WWOX: variants seen among roughly 807,000 people sequenced by gnomAD.
WWOX encodes the protein WW domain containing oxidoreductase, also known as WW domain-containing oxidoreductase.
A neutral mutation model predicts 46.2 loss-of-function variants in WWOX; 69 were observed. The observed-to-expected ratio is 1.49, with a 90% CI of 1.23 to 1.82. WWOX has a LOEUF of 1.82. WWOX is among the 40% of genes most tolerant of loss of function. The pLI, the probability that WWOX is intolerant of heterozygous loss-of-function variation, is 0.00. For synonymous variants in WWOX, 359 were observed against 202.6 expected (o/e 1.77, Z -6.56); for missense variants, 919 against 542.6 (o/e 1.69, Z -6.89).
At chr16:78,193,086 A>T (rs1404508799) in intron 5 of WWOX, among the ~76,000 whole-genome samples, 1 of 152,232 alleles carries the variant, frequency 6.6e-6, no homozygotes, top group African/African-American at 2.4e-5. Flanking sequence ...AGGAGATGTC[A>T]TCAGGGCCTG....
At chr16:78,559,274 C>G (rs3901534) in intron 8 of WWOX, among the ~76,000 whole-genome samples, 4 of 152,202 alleles carry the variant, frequency 2.6e-5, no homozygotes, top group African/African-American at 9.6e-5. Flanking sequence ...AAAGAGCCCT[C>G]TGGCTTCAGG....
At chr16:78,430,772 C>G (rs1597074277) in intron 7 of WWOX, among the ~76,000 whole-genome samples, 1 of 152,114 alleles carries the variant, frequency 6.6e-6, no homozygotes, top group Non-Finnish European at 1.5e-5. Context: ...GACTTTAGAG[C>G]AGCTATGTCA....
At chr16:79,061,145 T>G (rs80001825) in intron 8 of WWOX, among the ~76,000 whole-genome samples, 2,175 of 152,206 alleles carry the variant, frequency 0.014, 39 homozygotes, top group African/African-American at 0.048. Context: ...ATCCTTTATG[T>G]TGAGGGAGAA....
chr16:79,098,922 C>G (rs1448656663), intron 8 of WWOX, among the ~76,000 whole-genome samples: 1 of 152,104 alleles, frequency 6.6e-6, no homozygotes, highest in Non-Finnish European at 1.5e-5. Flanking sequence ...AACAAAATAC[C>G]TGAGACTGGG....
chr16:78,848,480 A>G (rs1676016566), intron 8 of WWOX, among the ~76,000 whole-genome samples: 1 of 152,228 alleles, frequency 6.6e-6, no homozygotes, highest in South Asian at 2.1e-4. Context: ...GAGAGAGCTC[A>G]GGAGCGACTG....
At chr16:78,923,574 T>A (rs901349879) in intron 8 of WWOX, among the ~76,000 whole-genome samples, 1 of 152,098 alleles carries the variant, frequency 6.6e-6, no homozygotes, top group Admixed American at 6.6e-5. Context: ...CCATTCATAG[T>A]GTGTTAGCAG....
At chr16:79,069,426 AG>A (rs1397604849) in intron 8 of WWOX, among the ~76,000 whole-genome samples, 1 of 152,200 alleles carries the variant, frequency 6.6e-6, no homozygotes, top group Non-Finnish European at 1.5e-5. Flanking sequence ...TGTGGTTTAA[AG>A]ACCTTTACAT....
intron 8 of WWOX, among the ~76,000 whole-genome samples, chr16:78,693,665 CTA>C (rs1240054731): frequency 6.6e-6 from 1 of 152,086 alleles, no homozygotes; most frequent in Non-Finnish European, 1.5e-5. Flanking sequence ...GGTGACATAA[CTA>C]TTGGCATCGA....
chr16:78,999,837 G>A (rs923123584), intron 8 of WWOX, among the ~76,000 whole-genome samples: 1 of 151,968 alleles, frequency 6.6e-6, no homozygotes, highest in African/African-American at 2.4e-5. Context: ...TAAGAAATTG[G>A]CACTTGTACC....
intron 8 of WWOX, among the ~76,000 whole-genome samples, chr16:79,027,910 A>G (rs999040162): frequency 1.3e-5 from 2 of 151,682 alleles, no homozygotes; most frequent in African/African-American, 4.9e-5. Flanking sequence ...TTTGAGTAGA[A>G]TTAGGGAGTT....
In WWOX at chr16:79,211,880, G is replaced by A. The variant is rs776837612; in HGVS notation, c.*84G>A. On this transcript the variant is annotated 3_prime_UTR_variant, in exon 9 of 9. Coordinates refer to ENST00000566780, the MANE Select transcript of WWOX (RefSeq NM_016373.4). ...TGCCAGGGCTGGGCCCCTTCCAAAT[G>A]TCCCTCCAACACAGATCCGCAAGAG... The A allele has an allele frequency of 6.3e-7, 1 of 1,586,258 alleles. No individual in the cohort carries two copies. The highest frequency in any genetic ancestry group is 1.3e-5 in the African/African-American group (1 of 74,312).
At chr16:78,876,154 T>C (rs921006781) in intron 8 of WWOX, among the ~76,000 whole-genome samples, 1 of 152,202 alleles carries the variant, frequency 6.6e-6, no homozygotes, top group Non-Finnish European at 1.5e-5. Context: ...ATAATCCTTT[T>C]ATAAATTTTG....
intron 5 of WWOX, chr16:78,266,066 C>G (rs1192186619): frequency 3.9e-5 from 6 of 152,166 alleles, no homozygotes; most frequent in African/African-American, 1.4e-4. Flanking sequence ...AAAGGTGAAA[C>G]AATTTCCCCT....
At chr16:78,126,047 C>A (rs187859222) in intron 4 of WWOX, among the ~76,000 whole-genome samples, 3 of 152,088 alleles carry the variant, frequency 2.0e-5, no homozygotes, top group Non-Finnish European at 4.4e-5. Context: ...TCCCTTCTTT[C>A]GTGATTTTTC....
intron 8 of WWOX, among the ~76,000 whole-genome samples, chr16:78,732,048 G>C (rs548769417): frequency 1.3e-5 from 2 of 152,018 alleles, no homozygotes; most frequent in South Asian, 2.1e-4. Context: ...ACTTTTTGTA[G>C]AGAAAGGGTC....
Position 78,220,430 on chromosome 16 carries a change from G to C in WWOX, c.516+56141G>C, listed in dbSNP as rs182822092. Among the ~76,000 whole-genome samples the C allele has an allele frequency of 1.8e-3, 272 of 152,102 alleles. 2 individuals carry two copies. Among genetic ancestry groups the C allele is most frequent in the Non-Finnish European group, 2.9e-3 (199 of 68,000 alleles). ...TATAACAATGCTATTTTGGGTCATA[G>C]CTGTTTTGCTAAGTAATACTTAAAG... On this transcript the variant is annotated intron_variant, in intron 5 of 8. Transcript: ENST00000566780.
In WWOX at chr16:78,952,204, T is replaced by C. The variant is rs1315771113; in HGVS notation, c.1057-259404T>C. ...CCTGCAGCAGGGCTTTTGCACATGC[T>C]GGTTTCTCCCTTACTTTGCCTCTAC... On this transcript the variant is annotated intron_variant, in intron 8 of 8. Transcript: ENST00000566780. Among the ~76,000 whole-genome samples the C allele has an allele frequency of 2.6e-5, 4 of 152,202 alleles. No homozygotes were observed. The East Asian group carries it at 5.8e-4, about 22-fold the overall frequency.
At chr16:78,916,452 G>A (rs1310692998) in intron 8 of WWOX, among the ~76,000 whole-genome samples, 4 of 152,154 alleles carry the variant, frequency 2.6e-5, no homozygotes, top group Non-Finnish European at 2.9e-5. Context: ...CACAATTATC[G>A]CTAAAGAGAA....
chr16:78,299,521 C>CT (rs997647456), intron 5 of WWOX, among the ~76,000 whole-genome samples: 4,525 of 141,774 alleles, frequency 0.032, 243 homozygotes, highest in African/African-American at 0.11. Flanking sequence ...CTTTTCTTTT[C>CT]TTTTTTTTTT....
Sources: allele counts gnomAD v4.1 joint callset (sites outside exome capture counted in the v4.1 genomes callset), GRCh38; gene constraint gnomAD v4.1.1; transcripts MANE v1.5; gene names NCBI Gene and HGNC (gene_info 2026-07-23, HGNC 2026-07-21).